The following NDC1 variants were observed in gnomAD, a reference collection of about 807,000 sequenced individuals.
The protein encoded by NDC1 is NDC1 transmembrane nucleoporin.
In NDC1, 24 loss-of-function variants were observed where a neutral mutation model predicts 89.8. The ratio of observed to expected loss-of-function variants is 0.27; its 90% CI spans 0.19 to 0.38. The LOEUF (loss-of-function observed/expected upper bound fraction) is 0.38. Ranked by LOEUF, NDC1 falls within the 10% of genes least tolerant of loss-of-function variation. NDC1 has a pLI of 1.00. For missense variants in NDC1, 728 were observed against 797.6 expected (o/e 0.91, Z 1.05); for synonymous variants, 296 against 284.8 (o/e 1.04, Z -0.39).
chr1:53,781,703 T>TA (rs71579980), intron 16 of NDC1, among the ~76,000 whole-genome samples: 4,400 of 152,232 alleles, frequency 0.029, 99 homozygotes, highest in Middle Eastern at 0.044. Flanking sequence ...CAGAGATACT[T>TA]AAACTTACGC....
intron 10 of NDC1, among the ~76,000 whole-genome samples, chr1:53,802,393 G>C (rs903908647): frequency 6.6e-6 from 1 of 152,120 alleles, no homozygotes; most frequent in African/African-American, 2.4e-5. Flanking sequence ...CTGGTTGAGT[G>C]TACTGGCTCA....
chr1:53,793,859 A>G (rs1557573347), intron 13 of NDC1, among the ~76,000 whole-genome samples: 1 of 151,988 alleles, frequency 6.6e-6, no homozygotes, highest in African/African-American at 2.4e-5. Flanking sequence ...CCAAAGTGCT[A>G]GGATTACAGA....
intron 5 of NDC1, among the ~76,000 whole-genome samples, chr1:53,822,790 AATGATG>A (rs922697596): frequency 5.3e-5 from 8 of 152,136 alleles, no homozygotes; most frequent in Non-Finnish European, 1.0e-4. Flanking sequence ...ATAAATAAAT[AATGATG>A]ATAATGATAA....
intron 17 of NDC1, among the ~76,000 whole-genome samples, chr1:53,769,155 C>A (rs1647090968): frequency 6.6e-6 from 1 of 152,152 alleles, no homozygotes; most frequent in African/African-American, 2.4e-5. Flanking sequence ...GCACTCCAGC[C>A]TGGGCAACAG....
chr1:53,797,699 G>A (rs551495913), intron 11 of NDC1, among the ~76,000 whole-genome samples: 19 of 151,074 alleles, frequency 1.3e-4, no homozygotes, highest in Admixed American at 9.9e-4. Context: ...GTGTAATCTC[G>A]GCTCACTGCA....
chr1:53,780,498 T>C (rs1428711556), intron 16 of NDC1, among the ~76,000 whole-genome samples: 1 of 152,204 alleles, frequency 6.6e-6, no homozygotes, highest in African/African-American at 2.4e-5. Context: ...TTCCATTCTG[T>C]ATCGTATCAC....
intron 17 of NDC1, among the ~76,000 whole-genome samples, chr1:53,769,723 G>C (rs1295839237): frequency 6.6e-6 from 1 of 152,122 alleles, no homozygotes; most frequent in African/African-American, 2.4e-5. Context: ...CTGCACAGTG[G>C]GCTTTACCTA....
intron 16 of NDC1, among the ~76,000 whole-genome samples, chr1:53,785,627 C>A (rs894645984): frequency 6.6e-6 from 1 of 152,044 alleles, no homozygotes; most frequent in African/African-American, 2.4e-5. Context: ...GGCTGGAGTG[C>A]AATGGCATAA....
At chr1:53,787,633 T>C (rs1647345574) in intron 15 of NDC1, among the ~76,000 whole-genome samples, 1 of 148,604 alleles carries the variant, frequency 6.7e-6, no homozygotes, top group Non-Finnish European at 1.5e-5. Flanking sequence ...AGTGGGACTG[T>C]CTCGAAAATA....
intron 17 of NDC1, 33 bp from the exon 18 acceptor site, chr1:53,768,066 T>TGA: frequency 6.8e-7 from 1 of 1,470,484 alleles, no homozygotes; most frequent in Non-Finnish European, 9.4e-7. Flanking sequence ...GCATAAGCTT[T>TGA]ATTTTACATT....
intron 17 of NDC1, among the ~76,000 whole-genome samples, chr1:53,769,997 G>C (rs1647098651): frequency 6.6e-6 from 1 of 152,160 alleles, no homozygotes; most frequent in Non-Finnish European, 1.5e-5. Context: ...ATCACAGATA[G>C]CTAATGATGC....
chr1:53,833,024 G>A (rs989521058), intron 2 of NDC1, among the ~76,000 whole-genome samples: 5 of 151,866 alleles, frequency 3.3e-5, no homozygotes, highest in African/African-American at 1.2e-4. Context: ...AAACAAAGGG[G>A]GGGAGAAAAA....
At chr1:53,830,902 C>A (rs1367894724) in intron 3 of NDC1, among the ~76,000 whole-genome samples, 1 of 150,076 alleles carries the variant, frequency 6.7e-6, no homozygotes, top group Non-Finnish European at 1.5e-5. Flanking sequence ...ATTCTATGAT[C>A]CTACCGCATC....
chr1:53,794,612 G>A (rs1160723327), intron 13 of NDC1, among the ~76,000 whole-genome samples: 2 of 152,196 alleles, frequency 1.3e-5, no homozygotes, highest in Non-Finnish European at 2.9e-5. Flanking sequence ...GCTCGCGCCT[G>A]TAATTCCAAC....
chr1:53,787,197 T>A lies in NDC1; in HGVS notation c.1761A>T (p.Thr587=). 6.2e-7 allele frequency: 1 copy of A among 1,611,262 alleles called. No homozygotes were observed. The highest frequency in any genetic ancestry group is 1.7e-5 in the Admixed American group (1 of 59,804). The part of the protein sequence containing the change: ...TEDRFGVVQT[T]LPAILNTLLT... Reference sequence around the variant, plus strand: ...ACAAAGTATTAAGGATAGCTGGTAGTGTCGTCTGGACAACTCCAAATCTAT... The same window carrying A: ...ACAAAGTATTAAGGATAGCTGGTAGAGTCGTCTGGACAACTCCAAATCTAT... Residue 587 remains threonine (T), a synonymous_variant, in exon 16 of 18, where the codon ACA becomes ACT. Transcript: ENST00000371429.
chr1:53,796,655 T>A (rs776227936), intron 13 of NDC1, 34 bp downstream of exon 13: 3 of 1,372,194 alleles, frequency 2.2e-6, no homozygotes, highest in Admixed American at 4.4e-5. Flanking sequence ...CAATTTTACA[T>A]GCAAATATAA....
At position 53,793,257 on chromosome 1, in the gene NDC1, C is replaced by T. The variant is rs773041461; in HGVS notation, c.1607G>A (p.Arg536Gln). 4.3e-6 allele frequency: 7 copies of T among 1,611,388 alleles called. No homozygotes were observed. The highest frequency in any genetic ancestry group is 5.1e-6 in the Non-Finnish European group (6 of 1,177,688). ...REQIKNFLSK[R>Q]VLIMYFFSKH... ...ACTGAAAAAATACATTATCAGCACC[C>T]GTTTTGACAAGAAATTCTTAATCTG... Residue 536 changes from arginine to glutamine, a missense_variant, in exon 14 of 18, where the codon CGG becomes CAG. Arg to Gln is a conservative substitution (Grantham distance 43). Coordinates refer to ENST00000371429, the MANE Select transcript of NDC1 (RefSeq NM_018087.5).
At chr1:53,822,933 C>A (rs974961869) in intron 5 of NDC1, among the ~76,000 whole-genome samples, 2 of 152,148 alleles carry the variant, frequency 1.3e-5, no homozygotes, top group Non-Finnish European at 2.9e-5. Flanking sequence ...ATCAAACTTG[C>A]AGTTTCCTGA....
chr1:53,807,738 A>G lies in NDC1; in HGVS notation c.809T>C (p.Leu270Pro). 1 of 1,613,966 alleles carries G rather than the reference A, an allele frequency of 6.2e-7. No individual in the cohort carries two copies. Among genetic ancestry groups the G allele is most frequent in the African/African-American group, 1.3e-5 (1 of 75,060 alleles). Residue 270 changes from leucine to proline, a missense_variant, in exon 8 of 18, where the codon CTC becomes CCC. Transcript: ENST00000371429. ...TVSGLLNLSL[L>P]YHVWLCGVFL... ...GACACCACACAGCCAGACATGGTAGAGTAACGAGAGATTTAAGAGGCCACT... is the reference window on the plus strand; with the variant it reads ...GACACCACACAGCCAGACATGGTAGGGTAACGAGAGATTTAAGAGGCCACT...
Sources: gnomAD v4.1 joint callset for allele counts (sites outside exome capture counted in the v4.1 genomes callset) on GRCh38, gnomAD v4.1.1 for gene constraint, MANE v1.5 for transcripts, NCBI Gene and HGNC (gene_info 2026-07-23, HGNC 2026-07-21) for gene names.